SLC6A11: variants seen among roughly 807,000 people sequenced by gnomAD.
SLC6A11 encodes sodium- and chloride-dependent GABA transporter 3.
A neutral mutation model predicts 74.8 loss-of-function variants in SLC6A11; 25 were observed. That is an observed-to-expected ratio of 0.33 (90% CI 0.24 to 0.47). The LOEUF (loss-of-function observed/expected upper bound fraction) is 0.47, where lower values mean the gene tolerates loss of function less well. Among genes scored for constraint, SLC6A11 ranks in the 20% least tolerant of loss-of-function variants. The pLI is 1.00. For synonymous variants in SLC6A11, 330 were observed against 330.2 expected, an observed-to-expected ratio of 1.00 and a Z score of 0.01; for missense variants, 574 against 837.0, an observed-to-expected ratio of 0.69 and a Z score of 3.88.
At chr3:10,931,687 GCAA>G (rs1695689798) in intron 10 of SLC6A11, among the ~76,000 whole-genome samples, 1 of 152,204 alleles carries the variant, frequency 6.6e-6, no homozygotes, top group African/African-American at 2.4e-5. Flanking sequence ...GCATTCCCCA[GCAA>G]CTGCCCTCCA....
intron 5 of SLC6A11, among the ~76,000 whole-genome samples, chr3:10,852,370 A>C (rs1261423932): frequency 2.0e-5 from 3 of 152,274 alleles, no homozygotes; most frequent in East Asian, 3.9e-4. Flanking sequence ...GGAGAGCAGT[A>C]GATTGTGACT....
At chr3:10,869,014 T>C (rs897552519) in intron 5 of SLC6A11, among the ~76,000 whole-genome samples, 3 of 152,256 alleles carry the variant, frequency 2.0e-5, no homozygotes, top group Admixed American at 2.0e-4. Flanking sequence ...GTGTTCCTAA[T>C]GACCTGCATT....
chr3:10,867,900 T>G (rs1167304358), intron 5 of SLC6A11, among the ~76,000 whole-genome samples: 1 of 152,222 alleles, frequency 6.6e-6, no homozygotes, highest in Non-Finnish European at 1.5e-5. Flanking sequence ...ACATTTTATT[T>G]TCGTCACATT....
chr3:10,827,047 G>A (rs181100512), intron 4 of SLC6A11, among the ~76,000 whole-genome samples: 3 of 152,266 alleles, frequency 2.0e-5, no homozygotes, highest in East Asian at 1.9e-4. Flanking sequence ...AGTGGGACAC[G>A]CACCCCTTCA....
intron 5 of SLC6A11, among the ~76,000 whole-genome samples, chr3:10,850,988 C>T (rs1694567768): frequency 6.6e-6 from 1 of 152,164 alleles, no homozygotes; most frequent in African/African-American, 2.4e-5. Context: ...GATTTTGAGA[C>T]CTTGCTGTCC....
intron 4 of SLC6A11, among the ~76,000 whole-genome samples, chr3:10,835,873 G>A (rs539838323): frequency 6.6e-6 from 1 of 152,304 alleles, no homozygotes; most frequent in East Asian, 1.9e-4. Flanking sequence ...TAACTTTTTA[G>A]AAAGTTTATT....
intron 5 of SLC6A11, among the ~76,000 whole-genome samples, chr3:10,873,481 TAC>T (rs1353123784): frequency 3.7e-3 from 421 of 113,566 alleles, no homozygotes; most frequent in South Asian, 0.017. Flanking sequence ...TACCCTACCA[TAC>T]CCTACCCTAT....
intron 5 of SLC6A11, among the ~76,000 whole-genome samples, chr3:10,852,679 C>T (rs919959426): frequency 5.3e-4 from 81 of 152,330 alleles, no homozygotes; most frequent in African/African-American, 1.8e-3. Context: ...GCCTGTGCAG[C>T]GCTGTCCCCG....
In SLC6A11 at chr3:10,826,113, A is replaced by G. The variant is rs184815333; in HGVS notation, c.623+2721A>G. 6.6e-5 allele frequency among the ~76,000 whole-genome samples: 10 copies of G among 152,390 alleles called. No homozygotes were observed. In the East Asian group the frequency reaches 9.6e-4, roughly 15 times the overall value. ...ATAGGTTAGTTTGAGAGAATTTGACATCTTTATGATTGAACCTGTCTATGG... is the reference window on the plus strand; with the variant it reads ...ATAGGTTAGTTTGAGAGAATTTGACGTCTTTATGATTGAACCTGTCTATGG... On this transcript the variant is annotated intron_variant, in intron 4 of 13. Transcript: ENST00000254488.
At chr3:10,902,037 G>A (rs752309790) in intron 6 of SLC6A11, among the ~76,000 whole-genome samples, 2 of 152,136 alleles carry the variant, frequency 1.3e-5, no homozygotes, top group Admixed American at 6.5e-5. Context: ...CTCAAGCCAA[G>A]GCTCTGCTTA....
chr3:10,924,300 C>A (rs1406565368), intron 8 of SLC6A11, among the ~76,000 whole-genome samples: 1 of 151,966 alleles, frequency 6.6e-6, no homozygotes, highest in Non-Finnish European at 1.5e-5. Flanking sequence ...TACCATATGG[C>A]AATGAAGTTC....
Position 10,939,176 on chromosome 3 carries a change from C to A in SLC6A11, c.*774C>A. The A allele has an allele frequency of 6.6e-6, 1 of 152,384 alleles. No homozygotes were observed. 9.4% of individuals were successfully genotyped at this position (152,384 alleles called of 1,614,324 possible). A position where few individuals can be genotyped will look rare whatever the true frequency, so the allele number is the denominator to read the frequency against. On this transcript the variant is annotated 3_prime_UTR_variant, in exon 14 of 14. Transcript: ENST00000254488. ...CCTCCCAGTTGTACCTCCTCCCCAC[C>A]TGCTTATTTAAAATCAAGTTTATTG...
intron 5 of SLC6A11, among the ~76,000 whole-genome samples, chr3:10,845,055 A>G (rs1694486379): frequency 6.6e-6 from 1 of 152,232 alleles, no homozygotes; most frequent in African/African-American, 2.4e-5. Flanking sequence ...GGATCAGTAC[A>G]GAGGTTAGAA....
At chr3:10,873,991 C>CACTATGCTAT (rs1694877199) in intron 5 of SLC6A11, among the ~76,000 whole-genome samples, 1 of 136,402 alleles carries the variant, frequency 7.3e-6, no homozygotes, top group African/African-American at 3.2e-5. Context: ...CGCTACGCTA[C>CACTATGCTAT]GCTATGCTAT....
In SLC6A11 at chr3:10,850,711, G is replaced by A. The variant is rs575045211; in HGVS notation, c.756+6365G>A. ...GGCATGAGATCAGAAGGGAAGCGGCGGGGGTCAGGCGTCATCGAATTTTTT... is the reference window on the plus strand; with the variant it reads ...GGCATGAGATCAGAAGGGAAGCGGCAGGGGTCAGGCGTCATCGAATTTTTT... On this transcript the variant is annotated intron_variant, in intron 5 of 13. Transcript: ENST00000254488. Among the ~76,000 whole-genome samples, 15 of 152,270 alleles carry A rather than the reference G, an allele frequency of 9.9e-5. No homozygotes were observed. In the South Asian group the frequency reaches 2.9e-3, roughly 29 times the overall value.
intron 7 of SLC6A11, among the ~76,000 whole-genome samples, chr3:10,916,812 A>G (rs982001505): frequency 1.3e-5 from 2 of 152,226 alleles, no homozygotes; most frequent in Non-Finnish European, 1.5e-5. Flanking sequence ...CACCTTGTAT[A>G]GCCAGTGAGA....
chr3:10,916,895 C>T (rs1470415638), intron 7 of SLC6A11, among the ~76,000 whole-genome samples: 1 of 152,198 alleles, frequency 6.6e-6, no homozygotes, highest in Non-Finnish European at 1.5e-5. Flanking sequence ...AATGCTCTCT[C>T]TACTTTACCC....
rs1175059548 is a variant in SLC6A11 at position 10,918,276 on chromosome 3, G to T, written c.996-53G>T. 4 of 1,502,848 alleles carry T rather than the reference G, an allele frequency of 2.7e-6. No homozygotes were observed. Among genetic ancestry groups the T allele is most frequent in the East Asian group, 2.5e-5 (1 of 39,300 alleles). 93.1% of individuals were successfully genotyped at this position (1,502,848 alleles called of 1,614,324 possible). Reference sequence around the variant, plus strand: ...TGCTCGGGTGGAGAACGTTTGAGCCGTGCACCGGTTCTGCCCGCTCTGACC... The same window carrying T: ...TGCTCGGGTGGAGAACGTTTGAGCCTTGCACCGGTTCTGCCCGCTCTGACC... On this transcript the variant is annotated intron_variant, in intron 7 of 13. Coordinates refer to ENST00000254488, the MANE Select transcript of SLC6A11 (RefSeq NM_014229.3). The surrounding 1 kb of genome is among the most constrained non-coding windows in gnomAD (Gnocchi z 4.5).
intron 6 of SLC6A11, among the ~76,000 whole-genome samples, chr3:10,889,766 G>A (rs1271758370): frequency 6.6e-6 from 1 of 152,182 alleles, no homozygotes; most frequent in African/African-American, 2.4e-5. Context: ...CTGAAGGCAG[G>A]CTGAGGCCTG....
Sources: allele counts gnomAD v4.1 joint callset (sites outside exome capture counted in the v4.1 genomes callset), GRCh38; gene constraint gnomAD v4.1.1; non-coding constraint Gnocchi (gnomAD v3.1); transcripts MANE v1.5; gene names NCBI Gene and HGNC (gene_info 2026-07-23, HGNC 2026-07-21).